Variants in AKT3 observed in about 807,000 individuals in gnomAD.
AKT3 encodes AKT serine/threonine kinase 3.
Under a neutral mutation model 65.3 loss-of-function variants are expected in AKT3, and 15 were observed. The observed-to-expected ratio is 0.23, with a 90% CI of 0.15 to 0.35. The LOEUF (loss-of-function observed/expected upper bound fraction) is 0.35. Among genes scored for constraint, AKT3 ranks in the 10% least tolerant of loss-of-function variants. AKT3 has a pLI of 1.00. For missense variants in AKT3, 243 were observed against 576.5 expected (o/e 0.42, Z 5.92); for synonymous variants, 206 against 183.8 (o/e 1.12, Z -0.98).
intron 2 of AKT3, chr1:243,739,496 A>G (rs1688028204): frequency 6.6e-6 from 1 of 152,192 alleles, no homozygotes. Flanking sequence ...CAAAAATGTA[A>G]AACTCACTCC....
chr1:243,586,529 T>C (rs527632400), intron 8 of AKT3, among the ~76,000 whole-genome samples: 6 of 152,256 alleles, frequency 3.9e-5, no homozygotes, highest in African/African-American at 1.2e-4. Context: ...ATATATGCCA[T>C]GGAATACTAT....
chr1:243,586,292 G>A (rs1675796018), intron 8 of AKT3, among the ~76,000 whole-genome samples: 1 of 152,048 alleles, frequency 6.6e-6, no homozygotes, highest in Non-Finnish European at 1.5e-5. Flanking sequence ...TAACACTGTT[G>A]GTGGGAATGT....
chr1:243,714,167 C>T (rs1686347765), intron 2 of AKT3, among the ~76,000 whole-genome samples: 1 of 152,186 alleles, frequency 6.6e-6, no homozygotes, highest in African/African-American at 2.4e-5. Flanking sequence ...CTTACATGCA[C>T]ACTGCTTTGT....
chr1:243,833,398 T>C (rs1223247949), intron 2 of AKT3, among the ~76,000 whole-genome samples: 7 of 151,894 alleles, frequency 4.6e-5, no homozygotes, highest in African/African-American at 7.3e-5. Context: ...AGGCACCTTC[T>C]TCACAGGGCG....
At chr1:243,614,366 G>A (rs1041575883) in intron 7 of AKT3, among the ~76,000 whole-genome samples, 1 of 152,034 alleles carries the variant, frequency 6.6e-6, no homozygotes, top group Admixed American at 6.6e-5. Context: ...CAGTGTAAAG[G>A]GTTCCACTTT....
intron 2 of AKT3, among the ~76,000 whole-genome samples, chr1:243,814,084 C>T (rs1693362062): frequency 6.6e-6 from 1 of 152,116 alleles, no homozygotes; most frequent in Admixed American, 6.6e-5. Context: ...AGAGTGAGAT[C>T]AGGTCACAAA....
At chr1:243,658,803 G>C (rs955338058) in intron 4 of AKT3, among the ~76,000 whole-genome samples, 2 of 147,152 alleles carry the variant, frequency 1.4e-5, no homozygotes, top group Admixed American at 6.9e-5. Context: ...CGAGGGAGGA[G>C]TATTGCTTGA....
chr1:243,623,030 G>A (rs774552793), intron 6 of AKT3, among the ~76,000 whole-genome samples: 2 of 152,148 alleles, frequency 1.3e-5, no homozygotes, highest in Non-Finnish European at 2.9e-5. Context: ...CAGAACTGGC[G>A]CCGTTGGCCA....
chr1:243,813,057 T>A (rs534079323), intron 2 of AKT3, among the ~76,000 whole-genome samples: 5 of 149,004 alleles, frequency 3.4e-5, no homozygotes, highest in African/African-American at 1.2e-4. Flanking sequence ...AGGGATAGCA[T>A]TAGGAGATAT....
intron 3 of AKT3, among the ~76,000 whole-genome samples, chr1:243,682,006 A>G (rs896742206): frequency 1.5e-4 from 23 of 152,260 alleles, no homozygotes; most frequent in African/African-American, 5.3e-4. Flanking sequence ...CACCAAATAT[A>G]ATGGGCAAAC....
chr1:243,677,266 C>T (rs899228539), intron 3 of AKT3, among the ~76,000 whole-genome samples: 1 of 152,132 alleles, frequency 6.6e-6, no homozygotes, highest in African/African-American at 2.4e-5. Flanking sequence ...ACTCTCTATC[C>T]CTGAAGATCT....
At chr1:243,655,986 A>T (rs1013677572) in intron 4 of AKT3, among the ~76,000 whole-genome samples, 21 of 152,236 alleles carry the variant, frequency 1.4e-4, no homozygotes, top group African/African-American at 5.1e-4. Flanking sequence ...AAAAACAAAC[A>T]AAAGTCTTTT....
intron 13 of AKT3, chr1:243,489,047 A>G (rs1194713515): frequency 6.2e-7 from 1 of 1,613,462 alleles, no homozygotes; most frequent in Non-Finnish European, 8.5e-7. Flanking sequence ...GCCAGGCCAC[A>G]GCCCAGCAGC....
At position 243,505,125 on chromosome 1, in the gene AKT3, C is replaced by G; in HGVS notation, c.*124G>C. On this transcript the variant is annotated 3_prime_UTR_variant, in exon 14 of 14. Transcript: ENST00000673466. ...GTGAAAGGTGGCGAGGGGTGAGGACCCTTGGCTGGTCTGGGATGTCGGAAG... is the reference window on the plus strand; with the variant it reads ...GTGAAAGGTGGCGAGGGGTGAGGACGCTTGGCTGGTCTGGGATGTCGGAAG... 2.5e-6 allele frequency: 2 copies of G among 809,338 alleles called. No individual in the cohort carries two copies. The highest frequency in any genetic ancestry group is 5.2e-5 in the East Asian group (2 of 38,120). 50.1% of individuals were successfully genotyped at this position (809,338 alleles called of 1,614,324 possible). A position where few individuals can be genotyped will look rare whatever the true frequency, so the allele number is the denominator to read the frequency against.
chr1:243,719,992 G>C (rs116536438), intron 2 of AKT3, among the ~76,000 whole-genome samples: 3,211 of 152,246 alleles, frequency 0.021, 106 homozygotes, highest in African/African-American at 0.074. Flanking sequence ...TTAAGAGAGA[G>C]ACATAAGAAA....
chr1:243,760,282 CTTTTTTTT>C (rs58733457), intron 2 of AKT3, among the ~76,000 whole-genome samples: 16 of 80,912 alleles, frequency 2.0e-4, no homozygotes, highest in Middle Eastern at 0.036. Context: ...CTATATCTGG[CTTTTTTTT>C]TTTTTTTTTT....
intron 2 of AKT3, among the ~76,000 whole-genome samples, chr1:243,809,070 C>G (rs1195968160): frequency 1.4e-4 from 22 of 152,274 alleles, no homozygotes; most frequent in Non-Finnish European, 4.4e-5. Context: ...CCAGCCACTG[C>G]AAAAACATGC....
chr1:243,495,165 C>T (rs2148300763), downstream of AKT3, among the ~76,000 whole-genome samples: 1 of 152,344 alleles, frequency 6.6e-6, no homozygotes, highest in East Asian at 1.9e-4. Context: ...TGGGTGCGCC[C>T]TGGGGAGGAC....
At chr1:243,589,327 A>T (rs1440948400) in intron 8 of AKT3, among the ~76,000 whole-genome samples, 1 of 148,628 alleles carries the variant, frequency 6.7e-6, no homozygotes, top group East Asian at 2.0e-4. Context: ...AAAAAAAAGA[A>T]AAAAAAAGAA....
Sources: allele counts gnomAD v4.1 joint callset (sites outside exome capture counted in the v4.1 genomes callset), GRCh38; gene constraint gnomAD v4.1.1; transcripts MANE v1.5; gene names NCBI Gene and HGNC (gene_info 2026-07-23, HGNC 2026-07-21).